The following CSRNP3 variants were observed in gnomAD, a reference collection of about 807,000 sequenced individuals.
CSRNP3 encodes the protein cysteine/serine-rich nuclear protein 3.
A neutral mutation model predicts 48.0 loss-of-function variants in CSRNP3; 12 were observed. The observed-to-expected ratio is 0.25, with a 90% CI of 0.16 to 0.41. The LOEUF (loss-of-function observed/expected upper bound fraction) is 0.41. Among genes scored for constraint, CSRNP3 ranks in the 10% least tolerant of loss-of-function variants. The probability of loss-of-function intolerance (pLI) is 1.00; values close to 1 mark genes in which losing one functional copy is unlikely to be tolerated. For missense variants in CSRNP3, 580 were observed against 724.4 expected, an observed-to-expected ratio of 0.80 and a Z score of 2.29; for synonymous variants, 263 against 269.7, an observed-to-expected ratio of 0.98 and a Z score of 0.24.
intron 1 of CSRNP3, among the ~76,000 whole-genome samples, chr2:165,489,175 A>G (rs1442215181): frequency 6.6e-6 from 1 of 151,426 alleles, no homozygotes; most frequent in Admixed American, 6.6e-5. Context: ...ACACCTCTAC[A>G]CAAATAAACT....
chr2:165,482,220 G>A (rs1235386235), intron 1 of CSRNP3, among the ~76,000 whole-genome samples: 2 of 151,888 alleles, frequency 1.3e-5, no homozygotes, highest in African/African-American at 4.8e-5. Context: ...GGTGAAACTG[G>A]GTTTTGAAGC....
chr2:165,662,200 T>C (rs1687109745), intron 5 of CSRNP3, among the ~76,000 whole-genome samples: 1 of 152,216 alleles, frequency 6.6e-6, no homozygotes, highest in African/African-American at 2.4e-5. Context: ...AGTAGGAATG[T>C]ATGTTTTGAT....
At chr2:165,521,796 A>G (rs917286778) in intron 3 of CSRNP3, among the ~76,000 whole-genome samples, 1 of 152,154 alleles carries the variant, frequency 6.6e-6, no homozygotes, top group Non-Finnish European at 1.5e-5. Flanking sequence ...CTGGTACTAG[A>G]TGCCATTGGC....
intron 1 of CSRNP3, among the ~76,000 whole-genome samples, chr2:165,490,149 C>A (rs1156798286): frequency 2.1e-4 from 31 of 148,012 alleles, no homozygotes; most frequent in Admixed American, 8.1e-4. Context: ...TCTTATACAC[C>A]AACAACAGAC....
chr2:165,592,099 G>A (rs892680527), intron 3 of CSRNP3, among the ~76,000 whole-genome samples: 6 of 152,246 alleles, frequency 3.9e-5, no homozygotes, highest in African/African-American at 1.4e-4. Flanking sequence ...AAGGCTGTGG[G>A]AGACCACCTC....
intron 5 of CSRNP3, 91 bp downstream of exon 5, chr2:165,658,111 A>T (rs1357769973): frequency 2.1e-5 from 30 of 1,397,490 alleles, no homozygotes; most frequent in African/African-American, 2.9e-5. Context: ...CACGAAACAA[A>T]CTGGGCACTT....
At chr2:165,479,995 G>GA (rs1684018804) in intron 1 of CSRNP3, among the ~76,000 whole-genome samples, 1 of 152,148 alleles carries the variant, frequency 6.6e-6, no homozygotes. Context: ...CACTCTGGGG[G>GA]AAAATCTACT....
chr2:165,493,273 C>T (rs1283244117), intron 1 of CSRNP3, among the ~76,000 whole-genome samples: 1 of 151,856 alleles, frequency 6.6e-6, no homozygotes, highest in African/African-American at 2.4e-5. Flanking sequence ...ATAGGACCAC[C>T]GTGCTGGTAT....
At chr2:165,558,357 G>A (rs143476622) in intron 3 of CSRNP3, among the ~76,000 whole-genome samples, 1 of 152,266 alleles carries the variant, frequency 6.6e-6, no homozygotes, top group Non-Finnish European at 1.5e-5. Flanking sequence ...TGCTGATGAA[G>A]GGTTATCTGA....
intron 2 of CSRNP3, among the ~76,000 whole-genome samples, chr2:165,495,861 C>A (rs1243436287): frequency 6.6e-6 from 1 of 151,854 alleles, no homozygotes; most frequent in Non-Finnish European, 1.5e-5. Flanking sequence ...CATTATTTTT[C>A]TGGGGTATTT....
At chr2:165,527,426 C>T (rs1684751373) in intron 3 of CSRNP3, among the ~76,000 whole-genome samples, 1 of 151,798 alleles carries the variant, frequency 6.6e-6, no homozygotes, top group Non-Finnish European at 1.5e-5. Flanking sequence ...AGGATGGTCT[C>T]GATCTCCTGA....
Position 165,666,111 on chromosome 2 carries a change from A to G in CSRNP3, c.408+8091A>G, listed in dbSNP as rs1687190774. Among the ~76,000 whole-genome samples, 24 of 123,440 alleles carry G rather than the reference A, an allele frequency of 1.9e-4. No homozygotes were observed. The South Asian group carries it at 5.6e-3, about 29-fold the overall frequency. 81.0% of individuals were successfully genotyped at this position (123,440 alleles called of 152,430 possible). ...AAGGAAGGAGAGAGAGGAAGAAAGAAAGAGAGAGAGAAAGGAAGGAAGGAA... is the reference window on the plus strand; with the variant it reads ...AAGGAAGGAGAGAGAGGAAGAAAGAGAGAGAGAGAGAAAGGAAGGAAGGAA... On this transcript the variant is annotated intron_variant, in intron 5 of 6. Coordinates refer to ENST00000651982, the MANE Select transcript of CSRNP3 (RefSeq NM_001172173.2).
chr2:165,592,424 G>A (rs1234827982), intron 3 of CSRNP3, among the ~76,000 whole-genome samples: 1 of 152,162 alleles, frequency 6.6e-6, no homozygotes, highest in Non-Finnish European at 1.5e-5. Context: ...CCTTAGGGGG[G>A]CCGTTGGAAA....
At chr2:165,616,243 T>G (rs932408084) in intron 4 of CSRNP3, among the ~76,000 whole-genome samples, 7 of 152,206 alleles carry the variant, frequency 4.6e-5, no homozygotes, top group Admixed American at 6.5e-5. Context: ...TTGTGTATAC[T>G]TGGTTCCTTT....
rs1208899895 is a variant in CSRNP3, at chr2:165,682,320, C to T, written c.*2567C>T. On this transcript the variant is annotated 3_prime_UTR_variant, in exon 7 of 7. Transcript: ENST00000651982. ...AGTCACTGCCCTGTGAGAAGAATTACCCTTCCAATCATGACAGCTTCTATT... is the reference window on the plus strand; with the variant it reads ...AGTCACTGCCCTGTGAGAAGAATTATCCTTCCAATCATGACAGCTTCTATT... 3 of 152,068 alleles carry T rather than the reference C, an allele frequency of 2.0e-5. No individual in the cohort carries two copies. Among genetic ancestry groups the T allele is most frequent in the Admixed American group, 2.0e-4 (3 of 15,234 alleles). 9.4% of individuals were successfully genotyped at this position (152,068 alleles called of 1,614,324 possible).
intron 4 of CSRNP3, among the ~76,000 whole-genome samples, chr2:165,618,824 T>C (rs1167900338): frequency 6.6e-6 from 1 of 152,174 alleles, no homozygotes; most frequent in African/African-American, 2.4e-5. Flanking sequence ...GATGACTCAG[T>C]AATATACTAG....
At chr2:165,575,922 C>G (rs1393594990) in intron 3 of CSRNP3, among the ~76,000 whole-genome samples, 1 of 151,752 alleles carries the variant, frequency 6.6e-6, no homozygotes, top group African/African-American at 2.4e-5. Context: ...AAGTGTTTCT[C>G]TTTTGAAACT....
intron 4 of CSRNP3, among the ~76,000 whole-genome samples, chr2:165,619,113 T>C (rs1254381745): frequency 6.6e-6 from 1 of 152,098 alleles, no homozygotes; most frequent in Non-Finnish European, 1.5e-5. Flanking sequence ...GGGTATCTTA[T>C]TATAGGAGAA....
chr2:165,548,477 ATATAAC>A (rs1255687257), intron 3 of CSRNP3, among the ~76,000 whole-genome samples: 1 of 152,116 alleles, frequency 6.6e-6, no homozygotes, highest in African/African-American at 2.4e-5. Flanking sequence ...AAACTACTCT[ATATAAC>A]TATATTTATC....
Sources: allele counts gnomAD v4.1 joint callset (sites outside exome capture counted in the v4.1 genomes callset), GRCh38; gene constraint gnomAD v4.1.1; transcripts MANE v1.5; gene names NCBI Gene and HGNC (gene_info 2026-07-23, HGNC 2026-07-21).